EXOC6B: variants seen among roughly 807,000 people sequenced by gnomAD.
EXOC6B encodes the protein SEC15 homolog B.
In EXOC6B, 54 loss-of-function variants were observed where a neutral mutation model predicts 113.5. The observed-to-expected ratio is 0.48, with a 90% CI of 0.38 to 0.60. The LOEUF is 0.60. Ranked by LOEUF, EXOC6B falls within the 20% of genes least tolerant of loss-of-function variation. EXOC6B has a pLI of 0.00. For missense variants in EXOC6B, 797 were observed against 977.5 expected, an observed-to-expected ratio of 0.82 and a Z score of 2.46; for synonymous variants, 357 against 339.0, an observed-to-expected ratio of 1.05 and a Z score of -0.58.
At chr2:72,325,105 A>T (rs1688051149) in intron 20 of EXOC6B, among the ~76,000 whole-genome samples, 1 of 152,174 alleles carries the variant, frequency 6.6e-6, no homozygotes, top group South Asian at 2.1e-4. Flanking sequence ...CTGTCCTTTC[A>T]CACAAATGTT....
At chr2:72,637,205 G>A (rs778326399) in intron 6 of EXOC6B, among the ~76,000 whole-genome samples, 7 of 152,032 alleles carry the variant, frequency 4.6e-5, no homozygotes, top group South Asian at 2.1e-4. Flanking sequence ...CATGAATTGC[G>A]AGACTAAATA....
chr2:72,291,853 TA>T (rs1404982572), intron 20 of EXOC6B, among the ~76,000 whole-genome samples: 1 of 152,168 alleles, frequency 6.6e-6, no homozygotes. Flanking sequence ...GAAATATTCA[TA>T]AAAATTTAAA....
intron 16 of EXOC6B, among the ~76,000 whole-genome samples, chr2:72,489,640 G>A (rs897231100): frequency 3.3e-5 from 5 of 152,254 alleles, no homozygotes; most frequent in Non-Finnish European, 5.9e-5. Flanking sequence ...CAGCTATTAC[G>A]AGGAGGGCCA....
chr2:72,804,784 G>A (rs928843499), intron 1 of EXOC6B, among the ~76,000 whole-genome samples: 3 of 151,910 alleles, frequency 2.0e-5, no homozygotes, highest in African/African-American at 7.3e-5. Flanking sequence ...TTTTAGTAGA[G>A]ACGGGGTTTC....
At chr2:72,455,093 C>T (rs1215447919) in intron 18 of EXOC6B, among the ~76,000 whole-genome samples, 1 of 152,022 alleles carries the variant, frequency 6.6e-6, no homozygotes, top group South Asian at 2.1e-4. Context: ...TTGGATCTAC[C>T]TATGTAATTA....
chr2:72,634,787 A>G (rs546741677), intron 6 of EXOC6B, among the ~76,000 whole-genome samples: 2 of 152,234 alleles, frequency 1.3e-5, no homozygotes, highest in Non-Finnish European at 2.9e-5. Flanking sequence ...TGCTGTCCTT[A>G]TAACAACAGA....
rs1558930132 is a variant in EXOC6B, at chr2:72,700,273, A to ACACACACACACAC, written c.669+17829_669+17830insGTGTGTGTGTGTG. On this transcript the variant is annotated intron_variant, in intron 6 of 21. Coordinates refer to ENST00000272427, the MANE Select transcript of EXOC6B (RefSeq NM_015189.3). ...ACACACACACACACACACACACACA[A>ACACACACACACAC]AGTTATCCGTGTCAACCACCAGACT... 1.9e-4 allele frequency among the ~76,000 whole-genome samples: 7 copies of ACACACACACACAC among 37,012 alleles called. 1 individual carries two copies. The highest frequency in any genetic ancestry group is 1.1e-3 in the African/African-American group (7 of 6,418). The allele number at this position is 37,012 out of a possible 152,430, so 24.3% of individuals were successfully genotyped here.
chr2:72,791,923 T>TCCAAATAATTC (rs1166798201), intron 1 of EXOC6B, among the ~76,000 whole-genome samples: 1 of 152,178 alleles, frequency 6.6e-6, no homozygotes, highest in African/African-American at 2.4e-5. Context: ...AAACATAGAT[T>TCCAAATAATTC]CCAAATAATT....
At chr2:72,575,383 T>C (rs1016510286) in intron 7 of EXOC6B, 109 bp downstream of exon 7, 1 of 935,018 alleles carries the variant, frequency 1.1e-6, no homozygotes, top group African/African-American at 1.7e-5. Flanking sequence ...GTATTTGATA[T>C]TCAGAAGATC....
intron 18 of EXOC6B, among the ~76,000 whole-genome samples, chr2:72,384,096 A>C (rs1691851467): frequency 1.3e-5 from 2 of 152,126 alleles, no homozygotes. Flanking sequence ...CCAAACCCTC[A>C]TGACATGAGT....
chr2:72,244,060 T>C (rs1182216914), intron 20 of EXOC6B, among the ~76,000 whole-genome samples: 2 of 152,166 alleles, frequency 1.3e-5, no homozygotes, highest in East Asian at 1.9e-4. Flanking sequence ...ATAGACCAAA[T>C]TGGCATTCAT....
intron 1 of EXOC6B, among the ~76,000 whole-genome samples, chr2:72,810,384 T>A (rs150000434): frequency 0.013 from 1,653 of 127,820 alleles, 27 homozygotes; most frequent in African/African-American, 0.044. Context: ...AATAAATAAA[T>A]AAAATACAGT....
intron 6 of EXOC6B, among the ~76,000 whole-genome samples, chr2:72,627,298 A>T (rs1022318735): frequency 1.3e-5 from 2 of 152,146 alleles, no homozygotes; most frequent in Non-Finnish European, 1.5e-5. Flanking sequence ...TGAGTCTAAG[A>T]CTTTGCAAAT....
At chr2:72,255,702 T>C (rs574738866) in intron 20 of EXOC6B, among the ~76,000 whole-genome samples, 1 of 152,316 alleles carries the variant, frequency 6.6e-6, no homozygotes, top group African/African-American at 2.4e-5. Flanking sequence ...GGGTGCATCA[T>C]ACCCAGAGGG....
At chr2:72,385,437 ACATTGAT>A in intron 18 of EXOC6B, among the ~76,000 whole-genome samples, 1 of 152,098 alleles carries the variant, frequency 6.6e-6, no homozygotes, top group Admixed American at 6.5e-5. Context: ...AAGCTCCATG[ACATTGAT>A]CTGTACAATG....
At chr2:72,787,793 A>AT in intron 1 of EXOC6B, among the ~76,000 whole-genome samples, 1 of 152,006 alleles carries the variant, frequency 6.6e-6, no homozygotes. Flanking sequence ...TGCCCAGCTA[A>AT]TTTTTTTGTG....
chr2:72,249,409 T>C (rs1358222220), intron 20 of EXOC6B, among the ~76,000 whole-genome samples: 1 of 152,002 alleles, frequency 6.6e-6, no homozygotes, highest in African/African-American at 2.4e-5. Flanking sequence ...CGCCCGCCAC[T>C]ACACCCGGCT....
At chr2:72,291,967 G>A (rs1481418225) in intron 20 of EXOC6B, among the ~76,000 whole-genome samples, 2 of 152,168 alleles carry the variant, frequency 1.3e-5, no homozygotes, top group African/African-American at 4.8e-5. Context: ...GAACAGATTT[G>A]AGAATCACAA....
intron 8 of EXOC6B, among the ~76,000 whole-genome samples, chr2:72,548,569 T>C (rs1266725982): frequency 6.6e-6 from 1 of 152,098 alleles, no homozygotes; most frequent in Non-Finnish European, 1.5e-5. Flanking sequence ...CTCATATAGG[T>C]CCCAGCCCTG....
Sources: gnomAD v4.1 joint callset for allele counts (sites outside exome capture counted in the v4.1 genomes callset) on GRCh38, gnomAD v4.1.1 for gene constraint, MANE v1.5 for transcripts, NCBI Gene and HGNC (gene_info 2026-07-23, HGNC 2026-07-21) for gene names.